ITIH5: variants seen among roughly 807,000 people sequenced by gnomAD.
ITIH5 encodes inter-alpha-trypsin inhibitor heavy chain H5.
ITIH5 carries 65 observed loss-of-function variants against 77.5 expected under a neutral mutation model. The observed-to-expected ratio is 0.84, with a 90% confidence interval of 0.69 to 1.03. ITIH5 has a LOEUF of 1.03. Among genes scored for constraint, ITIH5 ranks in the 50% least tolerant of loss-of-function variants. The probability of loss-of-function intolerance (pLI) is 0.00; values close to 1 mark genes in which losing one functional copy is unlikely to be tolerated. For missense variants in ITIH5, 1,208 were observed against 1,213.1 expected, an observed-to-expected ratio of 1.00 and a Z score of 0.06; for synonymous variants, 525 against 494.3, an observed-to-expected ratio of 1.06 and a Z score of -0.82.
intron 1 of ITIH5, among the ~76,000 whole-genome samples, chr10:7,660,598 G>T (rs1437635331): frequency 6.6e-6 from 1 of 152,202 alleles, no homozygotes; most frequent in Admixed American, 6.5e-5. Flanking sequence ...ACCTGCCAGT[G>T]CCGCTTAAAT....
At chr10:7,635,311 A>G (rs553305799) in intron 5 of ITIH5, among the ~76,000 whole-genome samples, 3 of 152,304 alleles carry the variant, frequency 2.0e-5, no homozygotes, top group South Asian at 2.1e-4. Flanking sequence ...CTTTACATAC[A>G]TGAGCACTTC....
At position 7,579,993 on chromosome 10, in the gene ITIH5, C is replaced by CATTGGAG. The variant is rs1343493077; in HGVS notation, c.1179_1180insCTCCAAT (p.Gly394LeufsTer86). ...ACGATGAGGGACACGCTCCGGTCTC[C>CATTGGAG]AATGCCACTGTGGGCCACGTACTTG... On this transcript the variant is annotated frameshift_variant, in exon 9 of 14. Coordinates refer to ENST00000397146, the MANE Select transcript of ITIH5 (RefSeq NM_030569.7). LOFTEE classifies it high-confidence loss of function. 6.2e-7 allele frequency: 1 copy of CATTGGAG among 1,613,980 alleles called. No individual in the cohort carries two copies. The highest frequency in any genetic ancestry group is 1.3e-5 in the African/African-American group (1 of 74,936).
At chr10:7,629,766 A>G (rs1400548973) in intron 5 of ITIH5, among the ~76,000 whole-genome samples, 2 of 152,200 alleles carry the variant, frequency 1.3e-5, no homozygotes, top group Non-Finnish European at 2.9e-5. Flanking sequence ...TACTGTGAAT[A>G]CTGCTACTGT....
At chr10:7,628,865 G>GTGTGTCCATGTTGTAGCA (rs1833643282) in intron 5 of ITIH5, among the ~76,000 whole-genome samples, 3 of 131,924 alleles carry the variant, frequency 2.3e-5, no homozygotes, top group South Asian at 5.2e-4. Context: ...CTGTTGTAGC[G>GTGTGTCCATGTTGTAGCA]TGTGTCCGTG....
intron 1 of ITIH5, among the ~76,000 whole-genome samples, chr10:7,666,433 AATG>A (rs902674068): frequency 7.2e-5 from 11 of 152,266 alleles, no homozygotes; most frequent in Admixed American, 2.0e-4. Flanking sequence ...ATCAACTGGG[AATG>A]ATGATAACAG....
rs779988222 is a variant in ITIH5, at chr10:7,576,551, A to G, written c.1880T>C (p.Val627Ala). 1 of 1,613,492 alleles carries G rather than the reference A, an allele frequency of 6.2e-7. No homozygotes were observed. Among genetic ancestry groups the G allele is most frequent in the South Asian group, 1.1e-5 (1 of 91,076 alleles). The change falls in exon 10 of 14, where the codon GTC (valine) becomes GCC (alanine). Residue 627 changes from valine to alanine, a missense_variant. Transcript: ENST00000397146. ...PFTSMKLRGP[V>A]PRMDGLEEAH... is the part of the protein sequence containing the mutation. ...CTCCTCCAGGCCATCCATGCGTGGGACCGGCCCCCTCAGCTTCATGGAGGT... is the reference window on the plus strand; with the variant it reads ...CTCCTCCAGGCCATCCATGCGTGGGGCCGGCCCCCTCAGCTTCATGGAGGT...
At chr10:7,662,247 C>T (rs994258018) in intron 1 of ITIH5, among the ~76,000 whole-genome samples, 1 of 151,934 alleles carries the variant, frequency 6.6e-6, no homozygotes, top group Non-Finnish European at 1.5e-5. Flanking sequence ...GTCCCAGCTA[C>T]TTGGGAGGCT....
At chr10:7,663,286 T>C (rs545679780) in intron 1 of ITIH5, among the ~76,000 whole-genome samples, 175 of 152,354 alleles carry the variant, frequency 1.1e-3, no homozygotes, top group Non-Finnish European at 2.0e-3. Context: ...ACAGCGGTAG[T>C]CAGAGACTTA....
At chr10:7,580,737 G>C (rs1025672638) in intron 8 of ITIH5, among the ~76,000 whole-genome samples, 2 of 152,214 alleles carry the variant, frequency 1.3e-5, no homozygotes, top group African/African-American at 4.8e-5. Flanking sequence ...GGAACGAAGA[G>C]GAGGAGGGTA....
At chr10:7,624,855 G>GTGTATATATATGTATATACACATATATA (rs1564266652) in intron 5 of ITIH5, among the ~76,000 whole-genome samples, 2 of 90,422 alleles carry the variant, frequency 2.2e-5, no homozygotes, top group African/African-American at 4.5e-5. Context: ...ACATATATAT[G>GTGTATATATATGTATATACACATATATA]TGTATATATG....
chr10:7,578,515 AT>A (rs1564240478), intron 9 of ITIH5: 4 of 156,752 alleles, frequency 2.6e-5, no homozygotes, highest in African/African-American at 9.6e-5. Flanking sequence ...GTTTTGAATA[AT>A]TTTTAAAATG....
intron 6 of ITIH5, among the ~76,000 whole-genome samples, chr10:7,616,455 C>T (rs1449496950): frequency 6.6e-6 from 1 of 152,086 alleles, no homozygotes; most frequent in Non-Finnish European, 1.5e-5. Flanking sequence ...ATTCTGGATG[C>T]AATTAATAGG....
chr10:7,627,827 CTTTTTTTTTTTTT>C lies in ITIH5; in HGVS notation c.652+9388_652+9400del, dbSNP rs869139058. On this transcript the variant is annotated intron_variant, in intron 5 of 13. Coordinates refer to ENST00000397146, the MANE Select transcript of ITIH5 (RefSeq NM_030569.7). ...GAATCTCACAGAACATGAAATTAAC[CTTTTTTTTTTTTT>C]TTTTTTTTTTTTTTTTGAGACAGAG... 9.4e-4 allele frequency among the ~76,000 whole-genome samples: 85 copies of C among 90,802 alleles called. 1 individual carries two copies. The highest frequency in any genetic ancestry group is 2.9e-3 in the Admixed American group (20 of 6,920). 59.6% of individuals were successfully genotyped at this position (90,802 alleles called of 152,430 possible).
At chr10:7,642,154 C>T in intron 2 of ITIH5, 64 bp from the exon 3 acceptor site, 1 of 1,283,552 alleles carries the variant, frequency 7.8e-7, no homozygotes, top group South Asian at 1.5e-5. Flanking sequence ...GGTAGTGGAA[C>T]ATCTTTTTTT....
chr10:7,565,199 C>T (rs1301062749), intron 13 of ITIH5, among the ~76,000 whole-genome samples: 8 of 147,644 alleles, frequency 5.4e-5, no homozygotes, highest in African/African-American at 2.0e-4. Context: ...TATATATACA[C>T]ACACATACAC....
chr10:7,600,272 T>C (rs10737024), intron 7 of ITIH5, among the ~76,000 whole-genome samples: 147,713 of 152,296 alleles, frequency 0.97, 71,733 homozygotes, highest in Middle Eastern at 1. Context: ...GGACAGGATG[T>C]TAGGGGGAGA....
intron 2 of ITIH5, among the ~76,000 whole-genome samples, chr10:7,650,930 G>T (rs1321253105): frequency 6.6e-6 from 1 of 151,998 alleles, no homozygotes; most frequent in African/African-American, 2.4e-5. Context: ...TAGGGGAGAA[G>T]GAAAACAAAA....
chr10:7,560,998 T>A lies in ITIH5; in HGVS notation c.*2085A>T, dbSNP rs1832030622. The A allele has an allele frequency of 7.2e-6, 1 of 139,676 alleles. No homozygotes were observed. Among genetic ancestry groups the A allele is most frequent in the Non-Finnish European group, 1.5e-5 (1 of 66,116 alleles). 8.7% of individuals were successfully genotyped at this position (139,676 alleles called of 1,614,324 possible). A position where few individuals can be genotyped will look rare whatever the true frequency, so the allele number is the denominator to read the frequency against. Reference sequence around the variant, plus strand: ...TTATCAAATGCAAAGGTCCTAACTATAAGCTTGGTATGGGGTTTCGGGCTT... The same window carrying A: ...TTATCAAATGCAAAGGTCCTAACTAAAAGCTTGGTATGGGGTTTCGGGCTT... On this transcript the variant is annotated 3_prime_UTR_variant, in exon 14 of 14. Coordinates refer to ENST00000397146, the MANE Select transcript of ITIH5 (RefSeq NM_030569.7).
intron 1 of ITIH5, among the ~76,000 whole-genome samples, chr10:7,657,372 A>G (rs1834205667): frequency 1.3e-5 from 2 of 152,118 alleles, no homozygotes; most frequent in Admixed American, 1.3e-4. Flanking sequence ...CGATACTGCC[A>G]AACTGTTTTC....
Sources: gnomAD v4.1 joint callset for allele counts (sites outside exome capture counted in the v4.1 genomes callset) on GRCh38, gnomAD v4.1.1 for gene constraint, MANE v1.5 for transcripts, NCBI Gene and HGNC (gene_info 2026-07-23, HGNC 2026-07-21) for gene names.